Variants in EXOC6B observed in about 807,000 individuals in gnomAD.
EXOC6B encodes SEC15 homolog B.
Under a neutral mutation model 113.5 loss-of-function variants are expected in EXOC6B, and 54 were observed. The ratio of observed to expected loss-of-function variants is 0.48; its 90% CI spans 0.38 to 0.60. The LOEUF (loss-of-function observed/expected upper bound fraction) is 0.60, where lower values mean the gene tolerates loss of function less well. Ranked by LOEUF, EXOC6B falls within the 20% of genes least tolerant of loss-of-function variation. The pLI is 0.00. For missense variants in EXOC6B, 797 were observed against 977.5 expected (o/e 0.82, Z 2.46); for synonymous variants, 357 against 339.0 (o/e 1.05, Z -0.58).
chr2:72,602,516 T>C (rs1030648781), intron 6 of EXOC6B, among the ~76,000 whole-genome samples: 6 of 152,204 alleles, frequency 3.9e-5, no homozygotes, highest in Non-Finnish European at 2.9e-5. Context: ...TATCAATTAA[T>C]TAAAATCTTT....
At chr2:72,496,947 A>ATAT (rs1700066032) in intron 13 of EXOC6B, among the ~76,000 whole-genome samples, 2 of 114,440 alleles carry the variant, frequency 1.7e-5, no homozygotes, top group East Asian at 5.1e-4. Flanking sequence ...ATATAAATGT[A>ATAT]CATTATTATT....
At chr2:72,497,672 C>A (rs577274142) in intron 13 of EXOC6B, among the ~76,000 whole-genome samples, 1 of 152,046 alleles carries the variant, frequency 6.6e-6, no homozygotes, top group East Asian at 1.9e-4. Context: ...GAGATATGTT[C>A]ATAAACGAGA....
chr2:72,348,294 T>G (rs1689449259), intron 19 of EXOC6B, among the ~76,000 whole-genome samples: 1 of 152,188 alleles, frequency 6.6e-6, no homozygotes, highest in Admixed American at 6.5e-5. Flanking sequence ...AGTTTAGGAT[T>G]TCAACATATG....
chr2:72,307,242 C>T (rs544480243), intron 20 of EXOC6B, among the ~76,000 whole-genome samples: 38 of 149,528 alleles, frequency 2.5e-4, no homozygotes, highest in African/African-American at 8.9e-4. Flanking sequence ...CAGGTTCAAG[C>T]GATTCCCCTG....
chr2:72,442,236 T>C (rs1696246951), intron 18 of EXOC6B, among the ~76,000 whole-genome samples: 1 of 152,118 alleles, frequency 6.6e-6, no homozygotes, highest in Non-Finnish European at 1.5e-5. Flanking sequence ...AAACTAGGTA[T>C]TGAAGGAAGA....
intron 6 of EXOC6B, among the ~76,000 whole-genome samples, chr2:72,665,838 T>A (rs973669391): frequency 6.6e-6 from 1 of 152,066 alleles, no homozygotes; most frequent in Middle Eastern, 3.2e-3. Context: ...ATCTCACATA[T>A]CAATACTAAC....
chr2:72,582,753 T>C (rs1457429649), intron 6 of EXOC6B, among the ~76,000 whole-genome samples: 1 of 152,020 alleles, frequency 6.6e-6, no homozygotes, highest in Non-Finnish European at 1.5e-5. Flanking sequence ...TCACACAGGC[T>C]CTCCAGCAAT....
intron 17 of EXOC6B, among the ~76,000 whole-genome samples, chr2:72,465,830 C>G (rs1698016746): frequency 6.6e-6 from 1 of 152,172 alleles, no homozygotes; most frequent in Admixed American, 6.5e-5. Context: ...GTTAAATACT[C>G]TCTATTTAAA....
intron 20 of EXOC6B, among the ~76,000 whole-genome samples, chr2:72,282,279 G>A (rs1685170993): frequency 6.6e-6 from 1 of 151,988 alleles, no homozygotes; most frequent in Non-Finnish European, 1.5e-5. Flanking sequence ...CACAATAGCA[G>A]CAATAAAAAT....
intron 20 of EXOC6B, among the ~76,000 whole-genome samples, chr2:72,279,847 G>A (rs1685025768): frequency 6.6e-6 from 1 of 151,636 alleles, no homozygotes; most frequent in Non-Finnish European, 1.5e-5. Flanking sequence ...TTGCCATGTT[G>A]CCCAGGCTGG....
intron 8 of EXOC6B, among the ~76,000 whole-genome samples, chr2:72,537,993 A>G (rs1416945746): frequency 6.7e-6 from 1 of 148,680 alleles, no homozygotes; most frequent in Non-Finnish European, 1.5e-5. Flanking sequence ...TTTTTTTGAG[A>G]CAGGAGCTAG....
chr2:72,236,389 G>C (rs1681961033), intron 20 of EXOC6B, among the ~76,000 whole-genome samples: 1 of 152,166 alleles, frequency 6.6e-6, no homozygotes, highest in Admixed American at 6.5e-5. Context: ...TGAGGGCAAA[G>C]AGAAATAGAA....
chr2:72,403,714 T>TA (rs1261891768), intron 18 of EXOC6B, among the ~76,000 whole-genome samples: 1 of 151,616 alleles, frequency 6.6e-6, no homozygotes, highest in Admixed American at 6.6e-5. Flanking sequence ...CTTAAAAAAG[T>TA]AAAAAACTTA....
chr2:72,416,859 CTT>C (rs1694558342), intron 18 of EXOC6B, among the ~76,000 whole-genome samples: 2 of 152,122 alleles, frequency 1.3e-5, no homozygotes, highest in South Asian at 4.1e-4. Context: ...ATCGCAGACT[CTT>C]TTACAAAAAG....
intron 18 of EXOC6B, among the ~76,000 whole-genome samples, chr2:72,452,623 C>A (rs1696984766): frequency 6.6e-6 from 1 of 152,066 alleles, no homozygotes; most frequent in Non-Finnish European, 1.5e-5. Flanking sequence ...AGAAGGAAAA[C>A]CATGAGCAAG....
rs561467947 is a variant in EXOC6B at position 72,292,593 on chromosome 2, G to A, written c.2196+42354C>T. ...GATTCTATAAAAGTTTATCACATGT[G>A]TTGATTCATGTAACCATCACAACAA... On this transcript the variant is annotated intron_variant, in intron 20 of 21. Transcript: ENST00000272427. Among the ~76,000 whole-genome samples the A allele has an allele frequency of 5.3e-5, 8 of 152,008 alleles. No homozygotes were observed. The South Asian group carries it at 8.3e-4, about 16-fold the overall frequency.
At chr2:72,762,272 G>T (rs1257335220) in intron 1 of EXOC6B, among the ~76,000 whole-genome samples, 1 of 149,806 alleles carries the variant, frequency 6.7e-6, no homozygotes, top group Non-Finnish European at 1.5e-5. Context: ...AAGAAAAGAA[G>T]AAAAAACCTG....
chr2:72,534,337 C>T (rs1218333302), intron 8 of EXOC6B, among the ~76,000 whole-genome samples: 8 of 151,912 alleles, frequency 5.3e-5, no homozygotes, highest in East Asian at 1.9e-4. Flanking sequence ...ATCCTCAGGG[C>T]GTGCCATGCT....
At chr2:72,536,958 C>A (rs1702324884) in intron 8 of EXOC6B, among the ~76,000 whole-genome samples, 1 of 152,114 alleles carries the variant, frequency 6.6e-6, no homozygotes, top group Non-Finnish European at 1.5e-5. Context: ...TCATTTATGT[C>A]CTTTTAAAGA....
Sources: gnomAD v4.1 joint callset for allele counts (sites outside exome capture counted in the v4.1 genomes callset) on GRCh38, gnomAD v4.1.1 for gene constraint, MANE v1.5 for transcripts, NCBI Gene and HGNC (gene_info 2026-07-23, HGNC 2026-07-21) for gene names.